The following NALCN variants were observed in gnomAD, a reference collection of about 807,000 sequenced individuals.
The protein encoded by NALCN is sodium leak channel, non-selective.
Under a neutral mutation model 225.3 loss-of-function variants are expected in NALCN, and 111 were observed. The observed-to-expected ratio is 0.49, with a 90% CI of 0.42 to 0.58. The LOEUF (loss-of-function observed/expected upper bound fraction) is 0.58, where lower values mean the gene tolerates loss of function less well. Ranked by LOEUF, NALCN falls within the 20% of genes least tolerant of loss-of-function variation. The pLI, the probability that NALCN is intolerant of heterozygous loss-of-function variation, is 0.00. For missense variants in NALCN, 1,378 were observed against 2,202.4 expected, an observed-to-expected ratio of 0.63 and a Z score of 7.49; for synonymous variants, 764 against 769.0, an observed-to-expected ratio of 0.99 and a Z score of 0.11.
rs751763808 is a variant in NALCN at position 101,107,523 on chromosome 13, T to C, written c.2543A>G (p.Asn848Ser). 1 of 1,614,150 alleles carries C rather than the reference T, an allele frequency of 6.2e-7. No homozygotes were observed. The change falls in exon 22 of 44, where the codon AAC becomes AGC. Residue 848 changes from asparagine to serine, a missense_variant. By Grantham distance (46) the Asn-to-Ser change is conservative. Coordinates refer to ENST00000251127, the MANE Select transcript of NALCN (RefSeq NM_052867.4). ...TGCTCGGACCACCACCCGGCAAAAG[T>C]TTCTGAACCTGTGTTCTCGCCCGAC... Reference protein sequence around the residue: ...FIVGREHRFRNFCRVVVRARF... With the variant: ...FIVGREHRFRSFCRVVVRARF...
intron 10 of NALCN, among the ~76,000 whole-genome samples, chr13:101,271,553 A>T (rs1386955640): frequency 6.6e-6 from 1 of 152,036 alleles, no homozygotes; most frequent in Non-Finnish European, 1.5e-5. Context: ...TTTTCCTCCA[A>T]GCAGTTGTTT....
intron 10 of NALCN, among the ~76,000 whole-genome samples, chr13:101,262,587 T>G (rs1039528121): frequency 6.6e-6 from 1 of 152,232 alleles, no homozygotes; most frequent in Non-Finnish European, 1.5e-5. Context: ...GACCTGAGAA[T>G]CCTTTAGTCC....
chr13:101,107,736 C>T lies in NALCN; in HGVS notation c.2418G>A (p.Lys806=), dbSNP rs1237833660. 2 of 1,613,668 alleles carry T rather than the reference C, an allele frequency of 1.2e-6. No homozygotes were observed. Among genetic ancestry groups the T allele is most frequent in the Admixed American group, 1.7e-5 (1 of 59,948 alleles). ...RNAQREDSEI[K]MIQEKKEQAE... is the part of the protein sequence containing the mutation. ...CTTGCTCCTTTTTTTCCTGAATCAT[C>T]TTTATTTCACTGTCTTCTCTTTGTG... Residue 806 remains lysine, a synonymous_variant, in exon 21 of 44, where the codon AAG becomes AAA. Coordinates refer to ENST00000251127, the MANE Select transcript of NALCN (RefSeq NM_052867.4).
In NALCN at chr13:101,065,429, C is replaced by T. The variant is rs1427759663; in HGVS notation, c.4579G>A (p.Asp1527Asn). 2.5e-6 allele frequency: 4 copies of T among 1,614,028 alleles called. No individual in the cohort carries two copies. The highest frequency in any genetic ancestry group is 1.7e-5 in the Admixed American group (1 of 60,002). Residue 1527 changes from aspartate to asparagine, a missense_variant, in exon 40 of 44, where the codon GAC becomes AAC. Asp to Asn is a conservative substitution (Grantham distance 23). Transcript: ENST00000251127. ...CTCAGGACATCATGGAAGGTGACGTCGCCGCCATTGTGGAGCCTCTCCATT... is the reference window on the plus strand; with the variant it reads ...CTCAGGACATCATGGAAGGTGACGTTGCCGCCATTGTGGAGCCTCTCCATT... ...YEMERLHNGG[D>N]VTFHDVLSML...
chr13:101,136,988 C>T (rs527794731), intron 17 of NALCN, among the ~76,000 whole-genome samples: 2 of 152,244 alleles, frequency 1.3e-5, no homozygotes, highest in South Asian at 2.1e-4. Flanking sequence ...TTTTAATGAT[C>T]GCCATTCTAA....
intron 15 of NALCN, among the ~76,000 whole-genome samples, chr13:101,150,159 A>G (rs1338774072): frequency 2.0e-5 from 1 of 50,686 alleles, no homozygotes; most frequent in Non-Finnish European, 3.8e-5. Flanking sequence ...ATACTGTTGT[A>G]TGTACTCCAT....
chr13:101,133,586 T>G (rs1295129558), intron 17 of NALCN, among the ~76,000 whole-genome samples: 1 of 152,204 alleles, frequency 6.6e-6, no homozygotes, highest in Non-Finnish European at 1.5e-5. Context: ...GGTATCTCAT[T>G]TGACTGTATT....
intron 42 of NALCN, chr13:101,059,357 A>G (rs2031641525): frequency 6.5e-6 from 1 of 152,974 alleles, no homozygotes; most frequent in African/African-American, 2.4e-5. Flanking sequence ...AATGAGTCTG[A>G]TTATTTAAGG....
At chr13:101,284,101 TTA>T in intron 9 of NALCN, 82 bp from the exon 10 acceptor site, 1 of 1,192,574 alleles carries the variant, frequency 8.4e-7, no homozygotes, top group Non-Finnish European at 1.2e-6. Context: ...TTGTATATTT[TTA>T]TGTTATCAAA....
intron 18 of NALCN, among the ~76,000 whole-genome samples, chr13:101,120,577 C>T (rs552957298): frequency 6.7e-5 from 10 of 149,238 alleles, no homozygotes; most frequent in African/African-American, 2.5e-4. Flanking sequence ...AAAGGTAATA[C>T]ATGTGTCTGG....
chr13:101,147,794 T>TC (rs2037429377), intron 15 of NALCN, among the ~76,000 whole-genome samples: 2 of 152,128 alleles, frequency 1.3e-5, no homozygotes, highest in South Asian at 4.2e-4. Flanking sequence ...CACACCGGGT[T>TC]CCAGTCACAT....
chr13:101,342,010 T>C (rs2045573310), intron 7 of NALCN, among the ~76,000 whole-genome samples: 1 of 152,214 alleles, frequency 6.6e-6, no homozygotes, highest in African/African-American at 2.4e-5. Flanking sequence ...TCTGCTGCTG[T>C]CTTGCTCTTG....
chr13:101,409,897 CAT>C (rs1273865826), intron 1 of NALCN, among the ~76,000 whole-genome samples: 2 of 152,158 alleles, frequency 1.3e-5, no homozygotes, highest in African/African-American at 4.8e-5. Context: ...TTCCTCAAGT[CAT>C]ATGTTGAAGC....
At chr13:101,256,343 AG>A (rs1295556102) in intron 11 of NALCN, among the ~76,000 whole-genome samples, 1 of 152,088 alleles carries the variant, frequency 6.6e-6, no homozygotes, top group Non-Finnish European at 1.5e-5. Context: ...CAGAAACCAC[AG>A]GGTCATCATT....
At chr13:101,250,345 T>C (rs1051958258) in intron 11 of NALCN, among the ~76,000 whole-genome samples, 3 of 151,986 alleles carry the variant, frequency 2.0e-5, no homozygotes, top group African/African-American at 7.2e-5. Flanking sequence ...AATATCAACA[T>C]CAGTAGCTTG....
chr13:101,404,107 A>G (rs2047552531), intron 1 of NALCN, among the ~76,000 whole-genome samples: 1 of 152,238 alleles, frequency 6.6e-6, no homozygotes, highest in African/African-American at 2.4e-5. Context: ...ATTTAAAGGC[A>G]GAGTAGCTGA....
intron 7 of NALCN, among the ~76,000 whole-genome samples, chr13:101,296,698 A>G: frequency 6.6e-6 from 1 of 152,204 alleles, no homozygotes; most frequent in East Asian, 1.9e-4. Context: ...AGAGAACAAT[A>G]AGGCCTGTTC....
intron 15 of NALCN, among the ~76,000 whole-genome samples, chr13:101,153,090 A>G (rs958092483): frequency 6.6e-6 from 1 of 152,184 alleles, no homozygotes; most frequent in Non-Finnish European, 1.5e-5. Context: ...CAGAGATAGC[A>G]TAAGTAAAAA....
chr13:101,064,706 C>T (rs1056995797), intron 40 of NALCN, among the ~76,000 whole-genome samples: 3 of 152,116 alleles, frequency 2.0e-5, no homozygotes, highest in Non-Finnish European at 4.4e-5. Flanking sequence ...GATTCTCCCT[C>T]ACAGGCCTCA....
Sources: allele counts gnomAD v4.1 joint callset (sites outside exome capture counted in the v4.1 genomes callset), GRCh38; gene constraint gnomAD v4.1.1; transcripts MANE v1.5; gene names NCBI Gene and HGNC (gene_info 2026-07-23, HGNC 2026-07-21).